GRM3: variants seen among roughly 807,000 people sequenced by gnomAD.
The protein encoded by GRM3 is glutamate metabotropic receptor 3.
GRM3 carries 26 observed loss-of-function variants against 70.5 expected under a neutral mutation model. The ratio of observed to expected loss-of-function variants is 0.37; its 90% CI spans 0.27 to 0.51. GRM3 has a LOEUF of 0.51. Ranked by LOEUF, GRM3 falls within the 20% of genes least tolerant of loss-of-function variation. GRM3 has a pLI of 0.93. For synonymous variants in GRM3, 443 were observed against 434.9 expected, an observed-to-expected ratio of 1.02 and a Z score of -0.23; for missense variants, 859 against 1,123.8, an observed-to-expected ratio of 0.76 and a Z score of 3.37.
At chr7:86,701,491 T>C (rs866263394) in intron 1 of GRM3, among the ~76,000 whole-genome samples, 33 of 151,962 alleles carry the variant, frequency 2.2e-4, no homozygotes, top group African/African-American at 7.0e-4. Context: ...GGTTTCATTA[T>C]ACAATGTTGC....
chr7:86,701,313 TA>T (rs1584177129), intron 1 of GRM3, among the ~76,000 whole-genome samples: 2 of 152,030 alleles, frequency 1.3e-5, no homozygotes, highest in East Asian at 3.9e-4. Flanking sequence ...CTTGAGAAGT[TA>T]TTCAAAACAA....
At chr7:86,711,496 T>A (rs1437417432) in intron 1 of GRM3, among the ~76,000 whole-genome samples, 3 of 152,128 alleles carry the variant, frequency 2.0e-5, no homozygotes, top group African/African-American at 7.2e-5. Context: ...ATTTCCTTTT[T>A]ACTTTCTCTT....
Position 86,839,326 on chromosome 7 carries a change from A to T in GRM3, c.1812A>T (p.Thr604=), listed in dbSNP as rs2116736589. Residue 604 remains threonine, a synonymous_variant, in exon 4 of 6, where the codon ACA becomes ACT. Transcript: ENST00000361669. The surrounding 1 kb of genome is among the most constrained non-coding windows in gnomAD (Gnocchi z 4.5). ...VVTVFIKHNN[T]PLVKASGREL... is the part of the protein sequence containing the mutation. The stretch of plus-strand genomic sequence containing the variant: ...CTGTTTTTATCAAGCACAACAACAC[A>T]CCCTTGGTCAAAGCATCGGGCCGAG... 6.2e-7 allele frequency: 1 copy of T among 1,613,964 alleles called. No individual in the cohort carries two copies. The highest frequency in any genetic ancestry group is 8.5e-7 in the Non-Finnish European group (1 of 1,179,918).
intron 2 of GRM3, among the ~76,000 whole-genome samples, chr7:86,785,078 G>A (rs1281395063): frequency 6.6e-6 from 1 of 152,212 alleles, no homozygotes; most frequent in Non-Finnish European, 1.5e-5. Flanking sequence ...AAATATAAAC[G>A]TGAAACCACA....
intron 1 of GRM3, among the ~76,000 whole-genome samples, chr7:86,745,919 A>C (rs1796090738): frequency 6.6e-6 from 1 of 151,982 alleles, no homozygotes; most frequent in Admixed American, 6.6e-5. Context: ...CTGGCATGTA[A>C]GTGTACAGAT....
At chr7:86,741,950 C>A (rs1162533002) in intron 1 of GRM3, among the ~76,000 whole-genome samples, 1 of 151,890 alleles carries the variant, frequency 6.6e-6, no homozygotes, top group Non-Finnish European at 1.5e-5. Context: ...AGTAACATAC[C>A]ACACCAAAAT....
chr7:86,812,476 T>G (rs1373234703), intron 3 of GRM3, among the ~76,000 whole-genome samples: 1 of 151,818 alleles, frequency 6.6e-6, no homozygotes, highest in Non-Finnish European at 1.5e-5. Context: ...TAACCAGGTG[T>G]TAATTCCAAA....
chr7:86,732,647 A>C (rs1344487876), intron 1 of GRM3, among the ~76,000 whole-genome samples: 4 of 152,214 alleles, frequency 2.6e-5, no homozygotes. Flanking sequence ...AGATATTAAC[A>C]CTATGCCAAT....
At chr7:86,713,678 C>T (rs376056277) in intron 1 of GRM3, among the ~76,000 whole-genome samples, 1 of 152,040 alleles carries the variant, frequency 6.6e-6, no homozygotes, top group Non-Finnish European at 1.5e-5. Context: ...AATACAGTCT[C>T]TTGTTTGAAT....
chr7:86,645,748 C>G (rs1305830341), intron 1 of GRM3, among the ~76,000 whole-genome samples: 1 of 151,966 alleles, frequency 6.6e-6, no homozygotes, highest in Non-Finnish European at 1.5e-5. Context: ...CTATACACCT[C>G]TAAAGATCTT....
At chr7:86,695,715 ATAATAT>A (rs1374746702) in intron 1 of GRM3, among the ~76,000 whole-genome samples, 1 of 152,186 alleles carries the variant, frequency 6.6e-6, no homozygotes. Context: ...ATTAAAGGAG[ATAATAT>A]TAAAGGAGAT....
chr7:86,757,087 G>A (rs1198993614), intron 1 of GRM3, among the ~76,000 whole-genome samples: 1 of 151,992 alleles, frequency 6.6e-6, no homozygotes, highest in Non-Finnish European at 1.5e-5. Flanking sequence ...TCATTTTGTT[G>A]TGTTTTCGAA....
chr7:86,700,444 T>C (rs1794922173), intron 1 of GRM3, among the ~76,000 whole-genome samples: 4 of 151,924 alleles, frequency 2.6e-5, no homozygotes, highest in African/African-American at 9.7e-5. Flanking sequence ...CAATCTTACT[T>C]TCAAATTCTC....
intron 1 of GRM3, among the ~76,000 whole-genome samples, chr7:86,757,363 T>G (rs35540420): frequency 0.091 from 13,808 of 152,260 alleles, 700 homozygotes; most frequent in Middle Eastern, 0.13. Context: ...TTTGTTAGAC[T>G]TAGTTTCATT....
chr7:86,819,052 G>A (rs749157941), intron 3 of GRM3, among the ~76,000 whole-genome samples: 2 of 152,022 alleles, frequency 1.3e-5, no homozygotes, highest in Admixed American at 6.6e-5. Context: ...AGATGAATTC[G>A]CTTGTAAAAT....
At chr7:86,843,918 A>G (rs1438101308) in intron 4 of GRM3, among the ~76,000 whole-genome samples, 2 of 152,294 alleles carry the variant, frequency 1.3e-5, no homozygotes, top group East Asian at 1.9e-4. Context: ...CATGCAAATC[A>G]CCTGGGGATC....
At chr7:86,797,955 C>T (rs1797591536) in intron 3 of GRM3, among the ~76,000 whole-genome samples, 2 of 152,128 alleles carry the variant, frequency 1.3e-5, no homozygotes, top group African/African-American at 4.8e-5. Flanking sequence ...GGGTGCAAGC[C>T]CCAAGCCTTG....
At chr7:86,814,106 T>C (rs968967222) in intron 3 of GRM3, among the ~76,000 whole-genome samples, 4 of 151,846 alleles carry the variant, frequency 2.6e-5, no homozygotes, top group Non-Finnish European at 4.4e-5. Flanking sequence ...CGATTCTTCA[T>C]AAGCCTATGC....
chr7:86,723,440 G>C (rs1795520972), intron 1 of GRM3, among the ~76,000 whole-genome samples: 2 of 152,056 alleles, frequency 1.3e-5, no homozygotes, highest in Admixed American at 6.6e-5. Flanking sequence ...AAATGGGCCT[G>C]ATACTCATTT....
Sources: allele counts gnomAD v4.1 joint callset (sites outside exome capture counted in the v4.1 genomes callset), GRCh38; gene constraint gnomAD v4.1.1; non-coding constraint Gnocchi (gnomAD v3.1); transcripts MANE v1.5; gene names NCBI Gene and HGNC (gene_info 2026-07-23, HGNC 2026-07-21).